The following CDH18 variants were observed in gnomAD, a reference collection of about 807,000 sequenced individuals.
CDH18 encodes the protein cadherin 18, also known as cadherin-18.
CDH18 carries 31 observed loss-of-function variants against 67.9 expected under a neutral mutation model. The ratio of observed to expected loss-of-function variants is 0.46; its 90% CI spans 0.34 to 0.62. The LOEUF is 0.62. Among genes scored for constraint, CDH18 ranks in the 20% least tolerant of loss-of-function variants. The probability of loss-of-function intolerance (pLI) is 0.01; values close to 1 mark genes in which losing one functional copy is unlikely to be tolerated. For synonymous variants in CDH18, 362 were observed against 347.2 expected, an observed-to-expected ratio of 1.04 and a Z score of -0.48; for missense variants, 890 against 975.5, an observed-to-expected ratio of 0.91 and a Z score of 1.17.
intron 5 of CDH18, among the ~76,000 whole-genome samples, chr5:19,711,250 T>A (rs1764661427): frequency 6.6e-6 from 1 of 151,944 alleles, no homozygotes; most frequent in South Asian, 2.1e-4. Context: ...CAAGTAAGAC[T>A]ATATTAAAAT....
intron 1 of CDH18, among the ~76,000 whole-genome samples, chr5:20,333,633 A>G (rs1384644695): frequency 6.6e-6 from 1 of 151,446 alleles, no homozygotes; most frequent in East Asian, 1.9e-4. Context: ...GAACAATTTC[A>G]TTCCTCAATT....
At chr5:20,180,786 C>G (rs1440708902) in intron 2 of CDH18, among the ~76,000 whole-genome samples, 1 of 151,898 alleles carries the variant, frequency 6.6e-6, no homozygotes, top group Non-Finnish European at 1.5e-5. Context: ...ATTTCTCAAC[C>G]TGCCGATCCA....
At chr5:20,003,828 T>C (rs1052875748) in intron 2 of CDH18, among the ~76,000 whole-genome samples, 3 of 152,038 alleles carry the variant, frequency 2.0e-5, no homozygotes, top group South Asian at 2.1e-4. Flanking sequence ...AGCCCGGAGG[T>C]GGAGCTTGCA....
At chr5:20,466,272 C>G (rs1751626551) in intron 1 of CDH18, among the ~76,000 whole-genome samples, 1 of 151,848 alleles carries the variant, frequency 6.6e-6, no homozygotes, top group African/African-American at 2.4e-5. Flanking sequence ...AAATTATTTC[C>G]TTGTAATTAC....
At chr5:19,740,997 G>T (rs1769038487) in intron 4 of CDH18, among the ~76,000 whole-genome samples, 1 of 151,714 alleles carries the variant, frequency 6.6e-6, no homozygotes, top group African/African-American at 2.4e-5. Context: ...ATCTATTATG[G>T]ATTAATCCAG....
intron 5 of CDH18, among the ~76,000 whole-genome samples, chr5:19,719,221 A>T (rs1765704094): frequency 6.6e-6 from 1 of 152,014 alleles, no homozygotes; most frequent in Non-Finnish European, 1.5e-5. Context: ...ATTCTATTAG[A>T]TAATTGTAAC....
rs1482174332 is a variant in CDH18, at chr5:19,564,658, C to T, written c.1253+6921G>A. 2.0e-5 allele frequency among the ~76,000 whole-genome samples: 3 copies of T among 152,220 alleles called. No individual in the cohort carries two copies. In the East Asian group the frequency reaches 5.8e-4, roughly 30 times the overall value. On this transcript the variant is annotated intron_variant, in intron 8 of 12. Transcript: ENST00000382275. ...GATATGGTGGCTATGGGGAGAGACT[C>T]TTCCTGCTCAAGGACGGGAAAGGGA...
At chr5:20,387,907 G>C (rs1186445146) in intron 1 of CDH18, among the ~76,000 whole-genome samples, 6 of 152,150 alleles carry the variant, frequency 3.9e-5, no homozygotes, top group Non-Finnish European at 8.8e-5. Flanking sequence ...TTGCATCCCA[G>C]GGATGAAGCC....
At chr5:19,971,556 T>C (rs1798016515) in intron 2 of CDH18, among the ~76,000 whole-genome samples, 1 of 152,028 alleles carries the variant, frequency 6.6e-6, no homozygotes, top group South Asian at 2.1e-4. Context: ...CATTAAAACA[T>C]ACTATGAAAC....
intron 6 of CDH18, among the ~76,000 whole-genome samples, chr5:19,598,673 TCTC>T (rs755344412): frequency 4.6e-5 from 7 of 152,090 alleles, no homozygotes; most frequent in Admixed American, 2.0e-4. Context: ...AATTAAATTA[TCTC>T]CTCACTTCCC....
chr5:20,373,055 A>G (rs1743132309), intron 1 of CDH18, among the ~76,000 whole-genome samples: 1 of 152,320 alleles, frequency 6.6e-6, no homozygotes. Flanking sequence ...TGTTGATATT[A>G]TAATAAGACA....
chr5:20,366,547 C>A (rs921977090), intron 1 of CDH18, among the ~76,000 whole-genome samples: 2 of 152,162 alleles, frequency 1.3e-5, no homozygotes, highest in Non-Finnish European at 1.5e-5. Context: ...GAAGCTGGAG[C>A]CAGACTGCAC....
At chr5:19,954,614 C>T (rs1050033727) in intron 2 of CDH18, among the ~76,000 whole-genome samples, 2 of 151,636 alleles carry the variant, frequency 1.3e-5, no homozygotes, top group South Asian at 2.1e-4. Context: ...AAAGAAAGCA[C>T]GCTGAAGAAA....
chr5:19,781,920 T>C (rs577153614), intron 3 of CDH18, among the ~76,000 whole-genome samples: 90 of 152,314 alleles, frequency 5.9e-4, no homozygotes, highest in Non-Finnish European at 1.0e-3. Context: ...ATTTCTATTA[T>C]CCAGTAAATC....
At chr5:20,047,186 A>G (rs1740980863) in intron 2 of CDH18, among the ~76,000 whole-genome samples, 1 of 151,806 alleles carries the variant, frequency 6.6e-6, no homozygotes, top group East Asian at 1.9e-4. Context: ...TTGGGCTTAG[A>G]TACAATTGGG....
intron 2 of CDH18, among the ~76,000 whole-genome samples, chr5:20,014,683 A>C (rs905096673): frequency 1.3e-5 from 2 of 152,192 alleles, no homozygotes; most frequent in Non-Finnish European, 2.9e-5. Flanking sequence ...GAGAAGATTA[A>C]AAATGTTATG....
At chr5:19,845,115 A>G in intron 2 of CDH18, among the ~76,000 whole-genome samples, 1 of 152,122 alleles carries the variant, frequency 6.6e-6, no homozygotes, top group East Asian at 1.9e-4. Context: ...AAAAATATAT[A>G]TCCAAATTAT....
intron 1 of CDH18, among the ~76,000 whole-genome samples, chr5:20,550,602 A>T (rs62354279): frequency 0.027 from 4,133 of 152,222 alleles, 95 homozygotes; most frequent in African/African-American, 0.064. Context: ...GTTTTAGCCA[A>T]AGAATATGTC....
chr5:20,261,742 T>A (rs1396929666), intron 1 of CDH18, among the ~76,000 whole-genome samples: 2 of 150,400 alleles, frequency 1.3e-5, no homozygotes, highest in African/African-American at 2.5e-5. Flanking sequence ...AAAAAAAAAA[T>A]GATAGAGAAA....
Sources: gnomAD v4.1 joint callset for allele counts (sites outside exome capture counted in the v4.1 genomes callset) on GRCh38, gnomAD v4.1.1 for gene constraint, MANE v1.5 for transcripts, NCBI Gene and HGNC (gene_info 2026-07-23, HGNC 2026-07-21) for gene names.